TOP2B: variants seen among roughly 807,000 people sequenced by gnomAD.
The protein encoded by TOP2B is DNA topoisomerase 2-beta.
A neutral mutation model predicts 193.5 loss-of-function variants in TOP2B; 51 were observed. That is an observed-to-expected ratio of 0.26 (90% CI 0.21 to 0.33). TOP2B has a LOEUF of 0.33. Ranked by LOEUF, TOP2B falls within the 10% of genes least tolerant of loss-of-function variation. The probability of loss-of-function intolerance (pLI) is 1.00; values close to 1 mark genes in which losing one functional copy is unlikely to be tolerated. For missense variants in TOP2B, 1,378 were observed against 1,909.3 expected, an observed-to-expected ratio of 0.72 and a Z score of 5.19; for synonymous variants, 634 against 635.7, an observed-to-expected ratio of 1.00 and a Z score of 0.04.
intron 3 of TOP2B, among the ~76,000 whole-genome samples, chr3:25,643,156 G>A (rs539624835): frequency 6.6e-6 from 1 of 152,276 alleles, no homozygotes; most frequent in African/African-American, 2.4e-5. Flanking sequence ...AATTTCTAGA[G>A]TGTCCTTGGT....
At chr3:25,601,041 A>C in intron 34 of TOP2B, 59 bp downstream of exon 34, 1 of 1,562,096 alleles carries the variant, frequency 6.4e-7, no homozygotes, top group Non-Finnish European at 8.7e-7. Context: ...TGAGGTAGAA[A>C]AAATTCAATC....
chr3:25,615,364 G>T, intron 26 of TOP2B, 67 bp downstream of exon 26: 8 of 1,541,800 alleles, frequency 5.2e-6, no homozygotes, highest in Non-Finnish European at 7.0e-6. Context: ...ACTTATTTTT[G>T]GAAAAAGAAA....
At position 25,620,124 on chromosome 3, in the gene TOP2B, A is replaced by T. The variant is rs1018812743; in HGVS notation, c.2863-62T>A. 5.5e-6 allele frequency: 6 copies of T among 1,082,794 alleles called. No individual in the cohort carries two copies. The African/African-American group carries it at 8.0e-5, about 14-fold the overall frequency. 67.1% of individuals were successfully genotyped at this position (1,082,794 alleles called of 1,614,324 possible). On this transcript the variant is annotated intron_variant, in intron 22 of 35. Coordinates refer to ENST00000264331, the MANE Select transcript of TOP2B (RefSeq NM_001330700.2). ...CACACTCTCATGTTCTCATACTACA[A>T]GTCATACAGTCTTGAAAATTCTCAA...
At chr3:25,650,240 C>T (rs1473088536) in intron 1 of TOP2B, among the ~76,000 whole-genome samples, 1 of 152,152 alleles carries the variant, frequency 6.6e-6, no homozygotes, top group Non-Finnish European at 1.5e-5. Context: ...TAAAACTTTA[C>T]CTAACTTTCT....
At chr3:25,615,169 C>G (rs1405100168) in intron 27 of TOP2B, 36 bp downstream of exon 27, 9 of 1,559,204 alleles carry the variant, frequency 5.8e-6, no homozygotes, top group Non-Finnish European at 7.9e-6. Flanking sequence ...ATAAACATGA[C>G]TTTTCCAAAT....
intron 1 of TOP2B, among the ~76,000 whole-genome samples, chr3:25,655,699 T>A (rs1235792117): frequency 6.6e-6 from 1 of 152,148 alleles, no homozygotes; most frequent in Non-Finnish European, 1.5e-5. Context: ...TTATGCAGCC[T>A]CAAAAAACAT....
At chr3:25,646,553 T>A (rs914523270) in intron 1 of TOP2B, among the ~76,000 whole-genome samples, 2 of 152,132 alleles carry the variant, frequency 1.3e-5, no homozygotes, top group Admixed American at 1.3e-4. Flanking sequence ...AAATATGACA[T>A]CCCACTAAAA....
rs375698168 is a variant in TOP2B at position 25,649,717 on chromosome 3, T to G, written c.70-4247A>C. Reference sequence around the variant, plus strand: ...CTTAGATAAACAAACACTGGGACAGTTCATCACCACTAGGTTTGCCCAACA... The same window carrying G: ...CTTAGATAAACAAACACTGGGACAGGTCATCACCACTAGGTTTGCCCAACA... On this transcript the variant is annotated intron_variant, in intron 1 of 35. Transcript: ENST00000264331. Among the ~76,000 whole-genome samples the G allele has an allele frequency of 4.4e-4, 66 of 151,688 alleles. No individual in the cohort carries two copies. The South Asian group carries it at 0.014, about 31-fold the overall frequency.
Position 25,623,745 on chromosome 3 carries a change from T to C in TOP2B, c.2497A>G (p.Thr833Ala), listed in dbSNP as rs1262305413. The C allele has an allele frequency of 6.3e-7, 1 of 1,597,178 alleles. No individual in the cohort carries two copies. Among genetic ancestry groups the C allele is most frequent in the African/African-American group, 1.3e-5 (1 of 74,266 alleles). The part of the protein sequence containing the change: ...SPRYIFTMLS[T>A]LARLLFPAVD... ...GCAGGAAAAAGTAGCCTTGCTAAAG[T>C]GCTAATGAAAACAAAAAGAAGCAAA... Residue 833 changes from threonine to alanine, a missense_variant and splice_region_variant, in exon 21 of 36, where the codon ACT becomes GCT. Physicochemically the swap from Thr to Ala is moderately conservative, Grantham distance 58. Around this residue, in one of 9 missense-constraint regions of TOP2B, gnomAD observed 379 missense variants for 615.1 expected, o/e 0.62. Transcript: ENST00000264331.
At chr3:25,619,039 G>A (rs569475311) in intron 23 of TOP2B, among the ~76,000 whole-genome samples, 190 bp from the exon 24 acceptor site, 1 of 152,160 alleles carries the variant, frequency 6.6e-6, no homozygotes, top group South Asian at 2.1e-4. Context: ...TTTCTTTGGT[G>A]ACTGCAAGCC....
chr3:25,636,097 C>A lies in TOP2B; in HGVS notation c.691G>T (p.Asp231Tyr). 6.2e-7 allele frequency: 1 copy of A among 1,610,032 alleles called. No homozygotes were observed. Among genetic ancestry groups the A allele is most frequent in the African/African-American group, 1.3e-5 (1 of 74,966 alleles). ...KTSEAKIKHFDGEDYTCITFQ... is the reference protein window; with the variant it reads ...KTSEAKIKHFYGEDYTCITFQ... Reference sequence around the variant, plus strand: ...GTTATGCATGTGTAATCTTCACCATCAAAATGTTTAATTTTGGCTTCAGAA... The same window carrying A: ...GTTATGCATGTGTAATCTTCACCATAAAAATGTTTAATTTTGGCTTCAGAA... The change falls in exon 7 of 36, where the codon GAT (aspartate) becomes TAT (tyrosine). Residue 231 changes from aspartate to tyrosine, a missense_variant. By Grantham distance (160) the Asp-to-Tyr change is radical. Coordinates refer to ENST00000264331, the MANE Select transcript of TOP2B (RefSeq NM_001330700.2).
intron 33 of TOP2B, among the ~76,000 whole-genome samples, chr3:25,602,390 C>T (rs1230726726): frequency 8.9e-5 from 10 of 112,756 alleles, no homozygotes; most frequent in Non-Finnish European, 9.8e-5. Flanking sequence ...GAGCAAGACT[C>T]TGTCTCAAAA....
chr3:25,637,439 A>G, intron 5 of TOP2B, 127 bp from the exon 6 acceptor site: 1 of 623,286 alleles, frequency 1.6e-6, no homozygotes, highest in Middle Eastern at 2.6e-4. Context: ...CACCAATTGA[A>G]GATTCCAGAG....
At chr3:25,609,808 G>C in intron 28 of TOP2B, 96 bp from the exon 29 acceptor site, 1 of 1,261,538 alleles carries the variant, frequency 7.9e-7, no homozygotes, top group East Asian at 2.8e-5. Flanking sequence ...TTCAAATCAG[G>C]TAAATTTAAA....
At chr3:25,632,006 A>G (rs1702973355) in intron 10 of TOP2B, among the ~76,000 whole-genome samples, 1 of 152,106 alleles carries the variant, frequency 6.6e-6, no homozygotes, top group African/African-American at 2.4e-5. Flanking sequence ...GTAGCCTAAA[A>G]AAATTATGTG....
At chr3:25,659,655 C>T (rs933926971) in intron 1 of TOP2B, among the ~76,000 whole-genome samples, 1 of 152,188 alleles carries the variant, frequency 6.6e-6, no homozygotes, top group South Asian at 2.1e-4. Flanking sequence ...ACAGCCCATA[C>T]TCTTAGCATT....
chr3:25,646,246 A>G lies in TOP2B; in HGVS notation c.70-776T>C, dbSNP rs186380799. Among the ~76,000 whole-genome samples the G allele has an allele frequency of 2.4e-3, 372 of 152,316 alleles. 1 individual carries two copies. Among genetic ancestry groups the G allele is most frequent in the Admixed American group, 3.9e-3 (60 of 15,300 alleles). ...TATAAACAAAAATGACCTACACAAA[A>G]TATTAACCTATGTAGTTAATAAACA... On this transcript the variant is annotated intron_variant, in intron 1 of 35. Transcript: ENST00000264331.
chr3:25,607,475 T>C, intron 30 of TOP2B, 100 bp from the exon 31 acceptor site: 1 of 1,354,124 alleles, frequency 7.4e-7, no homozygotes, highest in East Asian at 2.5e-5. Context: ...TCCAACCATC[T>C]CTAAAAATAC....
chr3:25,645,673 C>T (rs1044709225), intron 1 of TOP2B, among the ~76,000 whole-genome samples: 5 of 152,096 alleles, frequency 3.3e-5, no homozygotes, highest in South Asian at 2.1e-4. Context: ...GAGCCCAAAA[C>T]GTGGGTATAG....
Sources: gnomAD v4.1 joint callset for allele counts (sites outside exome capture counted in the v4.1 genomes callset) on GRCh38, gnomAD v4.1.1 for gene constraint, gnomAD v4.1.1 regional missense constraint, MANE v1.5 for transcripts, NCBI Gene and HGNC (gene_info 2026-07-23, HGNC 2026-07-21) for gene names.